The following CNTNAP2 variants were observed in gnomAD, a reference collection of about 807,000 sequenced individuals.
The protein encoded by CNTNAP2 is contactin-associated protein-like 2.
CNTNAP2 carries 98 observed loss-of-function variants against 155.2 expected under a neutral mutation model. The observed-to-expected ratio is 0.63, with a 90% confidence interval of 0.54 to 0.75. CNTNAP2 has a LOEUF of 0.75. Ranked by LOEUF, CNTNAP2 falls within the 30% of genes least tolerant of loss-of-function variation. The pLI, the probability that CNTNAP2 is intolerant of heterozygous loss-of-function variation, is 0.00. For synonymous variants in CNTNAP2, 651 were observed against 631.2 expected, an observed-to-expected ratio of 1.03 and a Z score of -0.47; for missense variants, 1,727 against 1,688.1, an observed-to-expected ratio of 1.02 and a Z score of -0.40.
At chr7:147,265,694 C>T (rs1804591365) in intron 8 of CNTNAP2, among the ~76,000 whole-genome samples, 1 of 152,176 alleles carries the variant, frequency 6.6e-6, no homozygotes, top group South Asian at 2.1e-4. Context: ...GGATCCCGTG[C>T]CGCCCTGACT....
rs570917290 is a variant in CNTNAP2 at position 147,228,819 on chromosome 7, C to A, written c.1349-71322C>A. On this transcript the variant is annotated intron_variant, in intron 8 of 23. Transcript: ENST00000361727. ...TATCCCTCCCCTAGTCCCCCACCCC[C>A]CAACAGGCCCTGGAGTGTGATGGTC... Among the ~76,000 whole-genome samples the A allele has an allele frequency of 6.6e-5, 10 of 152,102 alleles. No individual in the cohort carries two copies. The South Asian group carries it at 1.9e-3, about 28-fold the overall frequency.
chr7:147,548,902 G>C (rs1014259443), intron 11 of CNTNAP2, among the ~76,000 whole-genome samples: 1 of 152,168 alleles, frequency 6.6e-6, no homozygotes, highest in Non-Finnish European at 1.5e-5. Flanking sequence ...ATTTGTCAAA[G>C]AGCAGATGCT....
chr7:147,534,263 C>T (rs1252077093), intron 11 of CNTNAP2, among the ~76,000 whole-genome samples: 2 of 152,122 alleles, frequency 1.3e-5, no homozygotes, highest in Non-Finnish European at 2.9e-5. Flanking sequence ...GAGCCCCTGG[C>T]AAAGAATTTT....
intron 1 of CNTNAP2, among the ~76,000 whole-genome samples, chr7:146,233,033 A>ATCT (rs1799412086): frequency 6.6e-6 from 1 of 152,190 alleles, no homozygotes. Context: ...TATGTTATAG[A>ATCT]ACATAATCTA....
chr7:148,067,644 A>G (rs563275665), intron 15 of CNTNAP2, among the ~76,000 whole-genome samples: 1 of 152,364 alleles, frequency 6.6e-6, no homozygotes, highest in South Asian at 2.1e-4. Context: ...CAGCTGAAAC[A>G]AGCTTGTCCT....
intron 9 of CNTNAP2, among the ~76,000 whole-genome samples, chr7:147,310,325 AT>A (rs1227139962): frequency 1.4e-4 from 21 of 152,186 alleles, no homozygotes; most frequent in Non-Finnish European, 4.4e-5. Flanking sequence ...ACTTTCAAGA[AT>A]TGGCTTAACC....
chr7:148,330,464 T>G (rs1435617506), intron 21 of CNTNAP2, among the ~76,000 whole-genome samples: 11 of 133,470 alleles, frequency 8.2e-5, no homozygotes, highest in African/African-American at 2.3e-4. Flanking sequence ...AGGGATGGAG[T>G]GGATGGATGA....
chr7:146,728,036 C>CA (rs1185631627), intron 1 of CNTNAP2, among the ~76,000 whole-genome samples: 1 of 152,140 alleles, frequency 6.6e-6, no homozygotes, highest in African/African-American at 2.4e-5. Context: ...GATTTCAACT[C>CA]ACGGTGGCAA....
chr7:148,357,813 G>A (rs755836234), intron 21 of CNTNAP2, among the ~76,000 whole-genome samples: 7 of 152,162 alleles, frequency 4.6e-5, no homozygotes, highest in African/African-American at 1.2e-4. Flanking sequence ...ATATGCATAT[G>A]GAATCAAAAT....
intron 11 of CNTNAP2, among the ~76,000 whole-genome samples, chr7:147,501,897 A>G (rs1035258059): frequency 6.6e-6 from 1 of 152,230 alleles, no homozygotes; most frequent in Non-Finnish European, 1.5e-5. Flanking sequence ...AAAATCATAC[A>G]AAAATCAGTT....
intron 18 of CNTNAP2, among the ~76,000 whole-genome samples, chr7:148,181,789 G>A (rs1005856032): frequency 8.3e-5 from 9 of 108,252 alleles, no homozygotes; most frequent in Non-Finnish European, 1.2e-4. Context: ...ACGGAGTCTC[G>A]CACTGTCACC....
chr7:146,294,316 G>A (rs1436992270), intron 1 of CNTNAP2, among the ~76,000 whole-genome samples: 2 of 152,114 alleles, frequency 1.3e-5, no homozygotes, highest in East Asian at 1.9e-4. Context: ...CTACCCAGCC[G>A]GACTGCGCAA....
chr7:147,072,363 CA>C (rs1799909431), intron 4 of CNTNAP2, among the ~76,000 whole-genome samples: 1 of 152,092 alleles, frequency 6.6e-6, no homozygotes. Flanking sequence ...GAGATGCCAC[CA>C]AACTATCTTA....
chr7:146,915,032 A>G (rs575521083), intron 3 of CNTNAP2, among the ~76,000 whole-genome samples: 1 of 152,180 alleles, frequency 6.6e-6, no homozygotes, highest in South Asian at 2.1e-4. Flanking sequence ...CTTCTTCCAC[A>G]TGTGGCTTGT....
intron 1 of CNTNAP2, among the ~76,000 whole-genome samples, chr7:146,737,867 A>C (rs1253254769): frequency 6.6e-6 from 1 of 152,130 alleles, no homozygotes; most frequent in Non-Finnish European, 1.5e-5. Context: ...GTGTGCGTGC[A>C]TATAGATAGA....
At chr7:147,068,646 T>C (rs10270384) in intron 4 of CNTNAP2, among the ~76,000 whole-genome samples, 109,368 of 152,082 alleles carry the variant, frequency 0.72, 39,365 homozygotes, top group African/African-American at 0.75. Flanking sequence ...CATGAGCCAC[T>C]GCGCTTGGCC....
chr7:148,168,897 G>A (rs186615468), intron 17 of CNTNAP2, among the ~76,000 whole-genome samples: 115 of 152,230 alleles, frequency 7.6e-4, no homozygotes, highest in South Asian at 3.3e-3. Flanking sequence ...AAATATGGTT[G>A]AATAATCATA....
intron 13 of CNTNAP2, among the ~76,000 whole-genome samples, chr7:147,902,469 C>A (rs1799885852): frequency 6.6e-6 from 1 of 152,008 alleles, no homozygotes; most frequent in Non-Finnish European, 1.5e-5. Context: ...TGAGTAAGTT[C>A]TTTAGTGGTG....
chr7:147,702,609 A>G (rs1368360574), intron 13 of CNTNAP2, among the ~76,000 whole-genome samples: 1 of 151,908 alleles, frequency 6.6e-6, no homozygotes, highest in Non-Finnish European at 1.5e-5. Context: ...CAGAAGACCA[A>G]CAGTTCAGAC....
Sources: allele counts gnomAD v4.1 joint callset (sites outside exome capture counted in the v4.1 genomes callset), GRCh38; gene constraint gnomAD v4.1.1; transcripts MANE v1.5; gene names NCBI Gene and HGNC (gene_info 2026-07-23, HGNC 2026-07-21).